Variants in POT1 observed in about 807,000 individuals in gnomAD.
POT1 encodes protection of telomeres 1, also known as protection of telomeres protein 1.
A neutral mutation model predicts 78.5 loss-of-function variants in POT1; 47 were observed. The observed-to-expected ratio is 0.60, with a 90% CI of 0.47 to 0.76. The LOEUF is 0.76. Among genes scored for constraint, POT1 ranks in the 30% least tolerant of loss-of-function variants. The probability of loss-of-function intolerance (pLI) is 0.00; values close to 1 mark genes in which losing one functional copy is unlikely to be tolerated. For missense variants in POT1, 646 were observed against 749.9 expected (o/e 0.86, Z 1.62); for synonymous variants, 259 against 260.7 (o/e 0.99, Z 0.06).
At chr7:124,899,270 AAAAC>A (rs1796563457) in intron 3 of POT1, among the ~76,000 whole-genome samples, 1 of 152,192 alleles carries the variant, frequency 6.6e-6, no homozygotes. Context: ...AGGCCCTCCC[AAAAC>A]AAACTGTCTA....
At chr7:124,910,130 C>T (rs1389423983) in intron 3 of POT1, among the ~76,000 whole-genome samples, 1 of 151,766 alleles carries the variant, frequency 6.6e-6, no homozygotes, top group Non-Finnish European at 1.5e-5. Context: ...AAAAGCATAG[C>T]AGTGTTTTTT....
rs577770884 is a variant in POT1, at chr7:124,827,672, C to T, written c.1595-367G>A. On this transcript the variant is annotated intron_variant, in intron 16 of 18. Transcript: ENST00000357628. ...AGCAGATTCATTTTGGAATATTTCA[C>T]TATACCTACATAGGGAGAATATCTT... 7.2e-5 allele frequency among the ~76,000 whole-genome samples: 11 copies of T among 152,300 alleles called. No individual in the cohort carries two copies. In the South Asian group the frequency reaches 1.9e-3, roughly 26 times the overall value.
At chr7:124,831,510 T>C (rs1166518165) in intron 15 of POT1, among the ~76,000 whole-genome samples, 2 of 152,180 alleles carry the variant, frequency 1.3e-5, no homozygotes, top group Non-Finnish European at 2.9e-5. Flanking sequence ...TTCCATTTTT[T>C]ACTACAACCA....
chr7:124,887,420 T>G (rs1796272847), intron 6 of POT1, among the ~76,000 whole-genome samples: 1 of 152,102 alleles, frequency 6.6e-6, no homozygotes, highest in Non-Finnish European at 1.5e-5. Flanking sequence ...CAGACTAGTT[T>G]TTTTTACATT....
At chr7:124,901,591 T>G (rs868133411) in intron 3 of POT1, among the ~76,000 whole-genome samples, 13 of 152,144 alleles carry the variant, frequency 8.5e-5, no homozygotes, top group Non-Finnish European at 1.3e-4. Context: ...GCAGAAAAGC[T>G]GAAAATTCTA....
chr7:124,926,984 T>C (rs532484434), intron 2 of POT1, among the ~76,000 whole-genome samples: 1 of 152,264 alleles, frequency 6.6e-6, no homozygotes, highest in African/African-American at 2.4e-5. Context: ...ACAAGCTGCA[T>C]TGCTCCAGTG....
chr7:124,890,314 C>T (rs6960683), intron 6 of POT1, among the ~76,000 whole-genome samples: 91,185 of 151,644 alleles, frequency 0.6, 27,537 homozygotes, highest in African/African-American at 0.65. Context: ...TGAAGAGTTG[C>T]TTCTTATGGA....
At chr7:124,850,446 G>A (rs1017173692) in intron 11 of POT1, among the ~76,000 whole-genome samples, 7 of 152,292 alleles carry the variant, frequency 4.6e-5, no homozygotes, top group African/African-American at 9.6e-5. Flanking sequence ...ATAATAATGC[G>A]GACGGGCGCA....
At chr7:124,835,563 A>G in intron 14 of POT1, 149 bp from the exon 15 acceptor site, 1 of 886,012 alleles carries the variant, frequency 1.1e-6, no homozygotes, top group South Asian at 2.0e-5. Flanking sequence ...TAATTTGTAA[A>G]TGTACAATCC....
At chr7:124,824,438 A>T (rs1448674850) in intron 18 of POT1, among the ~76,000 whole-genome samples, 1 of 152,104 alleles carries the variant, frequency 6.6e-6, no homozygotes, top group Non-Finnish European at 1.5e-5. Context: ...TATCCAAAAG[A>T]ATCCAAACAG....
chr7:124,906,613 A>G (rs1037748841), intron 3 of POT1, among the ~76,000 whole-genome samples: 1 of 152,168 alleles, frequency 6.6e-6, no homozygotes, highest in Middle Eastern at 3.2e-3. Flanking sequence ...CGGTGTGCAC[A>G]TGTACCCTAG....
chr7:124,875,184 C>A (rs1795960093), intron 6 of POT1, among the ~76,000 whole-genome samples: 1 of 152,138 alleles, frequency 6.6e-6, no homozygotes, highest in Non-Finnish European at 1.5e-5. Context: ...CACATTCTTA[C>A]TTGCAATTAC....
chr7:124,860,204 C>T (rs745656644), intron 8 of POT1, among the ~76,000 whole-genome samples: 4 of 151,972 alleles, frequency 2.6e-5, no homozygotes, highest in East Asian at 1.9e-4. Context: ...TTATAGGCCT[C>T]CCAATATATT....
chr7:124,902,317 T>C (rs948681240), intron 3 of POT1, among the ~76,000 whole-genome samples: 3 of 152,170 alleles, frequency 2.0e-5, no homozygotes, highest in Admixed American at 6.6e-5. Context: ...ATCAGACTAA[T>C]AGTGGATCTC....
intron 9 of POT1, among the ~76,000 whole-genome samples, chr7:124,855,409 T>G (rs1378435646): frequency 6.6e-6 from 1 of 151,756 alleles, no homozygotes; most frequent in Non-Finnish European, 1.5e-5. Context: ...ATAACAAAAT[T>G]TCGAGGCCAA....
At chr7:124,881,140 G>A (rs1307504319) in intron 6 of POT1, among the ~76,000 whole-genome samples, 1 of 151,742 alleles carries the variant, frequency 6.6e-6, no homozygotes, top group Non-Finnish European at 1.5e-5. Flanking sequence ...TGCGATCACC[G>A]AGTGTACTTA....
intron 6 of POT1, among the ~76,000 whole-genome samples, chr7:124,888,360 T>C (rs1796294375): frequency 6.6e-6 from 1 of 152,112 alleles, no homozygotes; most frequent in South Asian, 2.1e-4. Flanking sequence ...ACTGTCGCAA[T>C]ACTGTTACTT....
intron 3 of POT1, among the ~76,000 whole-genome samples, chr7:124,914,673 G>A (rs1347541422): frequency 1.3e-5 from 2 of 152,064 alleles, no homozygotes; most frequent in Non-Finnish European, 2.9e-5. Context: ...AAAATACATA[G>A]TCTAGCTATT....
rs7801661 is a variant in POT1 at position 124,843,168 on chromosome 7, T to C, written c.1007-205A>G. On this transcript the variant is annotated intron_variant, in intron 12 of 18. Coordinates refer to ENST00000357628, the MANE Select transcript of POT1 (RefSeq NM_015450.3). ...CCAGGCACAGTAGGTACTCAACAAA[T>C]GTGTACTAAATAAACGCTGGATAAT... 89,714 of 362,668 alleles carry C rather than the reference T, an allele frequency of 0.25. 11,939 individuals carry two copies. The highest frequency in any genetic ancestry group is 0.32 in the East Asian group (7,775 of 23,926). 22.5% of individuals were successfully genotyped at this position (362,668 alleles called of 1,614,324 possible).
Sources: gnomAD v4.1 joint callset for allele counts (sites outside exome capture counted in the v4.1 genomes callset) on GRCh38, gnomAD v4.1.1 for gene constraint, MANE v1.5 for transcripts, NCBI Gene and HGNC (gene_info 2026-07-23, HGNC 2026-07-21) for gene names.